CWC27: variants seen among roughly 807,000 people sequenced by gnomAD.
The protein encoded by CWC27 is CWC27 spliceosome associated cyclophilin.
CWC27 carries 47 observed loss-of-function variants against 63.6 expected under a neutral mutation model. The observed-to-expected ratio is 0.74, with a 90% CI of 0.58 to 0.94. The LOEUF is 0.94. Ranked by LOEUF, CWC27 falls within the 40% of genes least tolerant of loss-of-function variation. CWC27 has a pLI of 0.00. For synonymous variants in CWC27, 175 were observed against 179.8 expected, an observed-to-expected ratio of 0.97 and a Z score of 0.22; for missense variants, 495 against 554.3, an observed-to-expected ratio of 0.89 and a Z score of 1.07.
rs187151648 is a variant in CWC27, at chr5:64,976,685, A to G, written c.1153-450A>G. On this transcript the variant is annotated intron_variant, in intron 12 of 13. Transcript: ENST00000381070. ...GTAGCTGGGACTACAGATGCACACCACCACATCTGACTTTTTTTCTTTTCT... is the reference window on the plus strand; with the variant it reads ...GTAGCTGGGACTACAGATGCACACCGCCACATCTGACTTTTTTTCTTTTCT... Among the ~76,000 whole-genome samples, 160 of 152,122 alleles carry G rather than the reference A, an allele frequency of 1.1e-3. 1 individual carries two copies. The highest frequency in any genetic ancestry group is 1.7e-3 in the Non-Finnish European group (118 of 67,996).
At chr5:65,000,872 G>T (rs1580774501) in intron 13 of CWC27, among the ~76,000 whole-genome samples, 2 of 152,126 alleles carry the variant, frequency 1.3e-5, no homozygotes, top group South Asian at 4.1e-4. Context: ...AATGTCATTG[G>T]TATTTTAATA....
intron 10 of CWC27, among the ~76,000 whole-genome samples, chr5:64,849,915 T>G (rs920666518): frequency 2.6e-5 from 4 of 152,154 alleles, no homozygotes; most frequent in South Asian, 2.1e-4. Flanking sequence ...GTGAGTCAAT[T>G]AAACCTCTTT....
intron 13 of CWC27, among the ~76,000 whole-genome samples, chr5:65,017,638 C>A (rs551173013): frequency 1.6e-4 from 25 of 152,268 alleles, no homozygotes; most frequent in Middle Eastern, 3.4e-3. Flanking sequence ...ATTTTTTAAA[C>A]CAGCAAATTC....
chr5:64,910,000 T>G (rs7735173), intron 11 of CWC27, among the ~76,000 whole-genome samples: 16,947 of 152,208 alleles, frequency 0.11, 2,942 homozygotes, highest in African/African-American at 0.37. Flanking sequence ...CTTTGGAGGA[T>G]AAGAGGCACT....
rs371179641 is a variant in CWC27, at chr5:64,813,817, A to C, written c.938+9431A>C. Among the ~76,000 whole-genome samples the C allele has an allele frequency of 6.6e-5, 10 of 152,332 alleles. No homozygotes were observed. The South Asian group carries it at 1.0e-3, about 16-fold the overall frequency. ...TTGGAAAGTATAGTTTGGGAAGAGA[A>C]GGGCCACTGAAGAAGTAAAGTTCTT... On this transcript the variant is annotated intron_variant, in intron 10 of 13. Coordinates refer to ENST00000381070, the MANE Select transcript of CWC27 (RefSeq NM_005869.4).
chr5:64,838,362 A>C (rs1745713190), intron 10 of CWC27, among the ~76,000 whole-genome samples: 1 of 152,214 alleles, frequency 6.6e-6, no homozygotes, highest in African/African-American at 2.4e-5. Flanking sequence ...AGAGATAAAC[A>C]GCTGCTAATA....
At chr5:64,826,778 A>G (rs574549103) in intron 10 of CWC27, among the ~76,000 whole-genome samples, 295 of 150,070 alleles carry the variant, frequency 2.0e-3, no homozygotes, top group African/African-American at 6.8e-3. Flanking sequence ...TTTATCCTGT[A>G]TAATACTTAG....
At chr5:64,796,002 C>CATGT (rs1244901145) in intron 7 of CWC27, among the ~76,000 whole-genome samples, 17 of 135,772 alleles carry the variant, frequency 1.3e-4, no homozygotes, top group African/African-American at 4.5e-4. Context: ...AGAAATTGTG[C>CATGT]GTGTGTGTGT....
At chr5:64,806,153 A>G (rs1262776376) in intron 10 of CWC27, among the ~76,000 whole-genome samples, 2 of 75,404 alleles carry the variant, frequency 2.7e-5, no homozygotes, top group Non-Finnish European at 6.5e-5. Flanking sequence ...ATATATATCC[A>G]CTTACTTATG....
intron 11 of CWC27, among the ~76,000 whole-genome samples, chr5:64,933,396 CTT>C (rs1748278493): frequency 6.6e-6 from 1 of 152,058 alleles, no homozygotes; most frequent in Non-Finnish European, 1.5e-5. Flanking sequence ...ACTCATATAT[CTT>C]TTACCTCGAT....
chr5:64,916,610 T>G (rs1231558247), intron 11 of CWC27, among the ~76,000 whole-genome samples: 1 of 152,152 alleles, frequency 6.6e-6, no homozygotes, highest in Non-Finnish European at 1.5e-5. Context: ...TCACTTAGCT[T>G]CTTTCCAGCC....
intron 11 of CWC27, among the ~76,000 whole-genome samples, chr5:64,909,998 G>T (rs563064488): frequency 6.6e-6 from 1 of 152,296 alleles, no homozygotes; most frequent in Non-Finnish European, 1.5e-5. Context: ...TCCTTTGGAG[G>T]ATAAGAGGCA....
intron 10 of CWC27, among the ~76,000 whole-genome samples, chr5:64,840,245 C>T (rs1426742612): frequency 6.6e-6 from 1 of 150,448 alleles, no homozygotes; most frequent in Non-Finnish European, 1.5e-5. Flanking sequence ...ACTGCTGCAC[C>T]CAAGCAATGT....
intron 7 of CWC27, among the ~76,000 whole-genome samples, chr5:64,793,058 A>T (rs1045720245): frequency 1.3e-4 from 20 of 152,186 alleles, no homozygotes; most frequent in Non-Finnish European, 2.9e-4. Context: ...TAATATGATC[A>T]TAACCATTAT....
At position 64,829,977 on chromosome 5, in the gene CWC27, C is replaced by CTT. The variant is rs146220063; in HGVS notation, c.938+25604_938+25605dup. On this transcript the variant is annotated intron_variant, in intron 10 of 13. Transcript: ENST00000381070. Reference sequence around the variant, plus strand: ...GTCCCTGCAAAGAACATGAACTCATCTTTTTTTTTTTTTTCGCTATGCCAT... The same window carrying CTT: ...GTCCCTGCAAAGAACATGAACTCATCTTTTTTTTTTTTTTTTCGCTATGCCAT... 4.9e-3 allele frequency among the ~76,000 whole-genome samples: 581 copies of CTT among 117,972 alleles called. 4 individuals are homozygous for CTT. Among genetic ancestry groups the CTT allele is most frequent in the African/African-American group, 0.017 (531 of 31,618 alleles). The allele number at this position is 117,972 out of a possible 152,430, so 77.4% of individuals were successfully genotyped here.
At chr5:64,999,110 G>C (rs1474173884) in intron 13 of CWC27, among the ~76,000 whole-genome samples, 2 of 150,654 alleles carry the variant, frequency 1.3e-5, no homozygotes, top group African/African-American at 2.4e-5. Flanking sequence ...TTCACATTTT[G>C]TCTGTCTGTG....
intron 11 of CWC27, among the ~76,000 whole-genome samples, chr5:64,934,738 A>C (rs892830004): frequency 6.6e-6 from 1 of 152,148 alleles, no homozygotes; most frequent in African/African-American, 2.4e-5. Flanking sequence ...AAGCATTCGT[A>C]ATTCTCCACA....
intron 11 of CWC27, among the ~76,000 whole-genome samples, chr5:64,888,718 T>A (rs1747146733): frequency 6.6e-6 from 1 of 151,894 alleles, no homozygotes; most frequent in South Asian, 2.1e-4. Flanking sequence ...AAGGCACTAT[T>A]AGAACACCAC....
At chr5:64,953,101 T>C (rs1318553381) in intron 11 of CWC27, among the ~76,000 whole-genome samples, 3 of 152,092 alleles carry the variant, frequency 2.0e-5, no homozygotes, top group Non-Finnish European at 4.4e-5. Context: ...GTTGCAACAT[T>C]TACTATATTA....
Sources: allele counts gnomAD v4.1 joint callset (sites outside exome capture counted in the v4.1 genomes callset), GRCh38; gene constraint gnomAD v4.1.1; transcripts MANE v1.5; gene names NCBI Gene and HGNC (gene_info 2026-07-23, HGNC 2026-07-21).